Variants in SRGAP3 observed in about 807,000 individuals in gnomAD.
SRGAP3 encodes the protein SLIT-ROBO Rho GTPase-activating protein 3.
SRGAP3 carries 39 observed loss-of-function variants against 121.1 expected under a neutral mutation model. That is an observed-to-expected ratio of 0.32 (90% confidence interval 0.25 to 0.42). The LOEUF is 0.42. Ranked by LOEUF, SRGAP3 falls within the 10% of genes least tolerant of loss-of-function variation. The pLI, the probability that SRGAP3 is intolerant of heterozygous loss-of-function variation, is 1.00. For synonymous variants in SRGAP3, 601 were observed against 570.0 expected (o/e 1.05, Z -0.77); for missense variants, 1,213 against 1,470.6 (o/e 0.82, Z 2.86).
intron 1 of SRGAP3, among the ~76,000 whole-genome samples, chr3:9,175,181 A>G: frequency 6.6e-6 from 1 of 152,056 alleles, no homozygotes; most frequent in Admixed American, 6.5e-5. Context: ...AGCCAAAATA[A>G]TTCCGTTAAT....
chr3:9,097,383 G>C (rs1362010918), intron 3 of SRGAP3, among the ~76,000 whole-genome samples: 3 of 152,224 alleles, frequency 2.0e-5, no homozygotes, highest in African/African-American at 7.2e-5. Flanking sequence ...TTTTGATGGA[G>C]GCTATTATTA....
At chr3:9,287,915 G>A (rs1473736326) in intron 3 of SRGAP3, among the ~76,000 whole-genome samples, 2 of 152,010 alleles carry the variant, frequency 1.3e-5, no homozygotes, top group African/African-American at 4.8e-5. Context: ...CATTTGTGAT[G>A]TATGTAGGTG....
chr3:9,354,585 G>A (rs1349528508), intron 1 of SRGAP3, among the ~76,000 whole-genome samples: 1 of 151,754 alleles, frequency 6.6e-6, no homozygotes, highest in Non-Finnish European at 1.5e-5. Context: ...AGGAGGCTGA[G>A]GCAGAAGAAT....
intron 1 of SRGAP3, among the ~76,000 whole-genome samples, chr3:9,174,550 C>G (rs911702181): frequency 2.0e-5 from 3 of 152,196 alleles, no homozygotes; most frequent in African/African-American, 7.2e-5. Flanking sequence ...TAAGCACCGA[C>G]TTCATGGCAG....
chr3:9,024,623 C>A (rs567386432), intron 14 of SRGAP3, among the ~76,000 whole-genome samples: 1 of 152,128 alleles, frequency 6.6e-6, no homozygotes, highest in Non-Finnish European at 1.5e-5. Context: ...TAGTGGTCCA[C>A]CTCATTTCTA....
intron 3 of SRGAP3, among the ~76,000 whole-genome samples, chr3:9,312,628 T>G (rs920338115): frequency 6.6e-6 from 1 of 152,230 alleles, no homozygotes; most frequent in South Asian, 2.1e-4. Flanking sequence ...TGAAATGAAC[T>G]GATGAGCATG....
At chr3:9,167,738 C>T (rs1182577269) in intron 1 of SRGAP3, among the ~76,000 whole-genome samples, 1 of 152,160 alleles carries the variant, frequency 6.6e-6, no homozygotes, top group African/African-American at 2.4e-5. Flanking sequence ...TGCTGAAGGC[C>T]ATCAACTCAT....
chr3:9,063,998 AC>A (rs936611710), intron 5 of SRGAP3, among the ~76,000 whole-genome samples: 1 of 150,692 alleles, frequency 6.6e-6, no homozygotes, highest in Non-Finnish European at 1.5e-5. Flanking sequence ...TTCCCACCTC[AC>A]CCCCCGCCCC....
intron 1 of SRGAP3, among the ~76,000 whole-genome samples, chr3:9,171,400 C>T (rs1176382313): frequency 2.0e-5 from 3 of 152,242 alleles, no homozygotes; most frequent in Non-Finnish European, 4.4e-5. Context: ...GTTCTCTCCT[C>T]TCCAAAATGG....
At position 9,248,891 on chromosome 3, in the gene SRGAP3, T is replaced by C; in HGVS notation, c.61A>G (p.Ile21Val). 6.2e-7 allele frequency: 1 copy of C among 1,614,230 alleles called. No individual in the cohort carries two copies. The highest frequency in any genetic ancestry group is 2.2e-5 in the East Asian group (1 of 44,890). The change falls in exon 1 of 22, where the codon ATA becomes GTA. Residue 21 changes from isoleucine (I) to valine (V), a missense_variant. Ile to Val is a conservative substitution (Grantham distance 29). Transcript: ENST00000383836. ...CTCCCAGCCCGCATCTCACCTTTTA[T>C]TTGGGCTTCATATTCAGCAATGATC... Reference protein sequence around the residue: ...KEIIAEYEAQIKEIRTQLVEQ... With the variant: ...KEIIAEYEAQVKEIRTQLVEQ...
At chr3:9,330,977 A>G (rs1478827080) in intron 1 of SRGAP3, among the ~76,000 whole-genome samples, 2 of 152,270 alleles carry the variant, frequency 1.3e-5, no homozygotes, top group Admixed American at 6.5e-5. Flanking sequence ...GGACTCAAAT[A>G]TAGAAGTACA....
At chr3:9,165,715 T>G (rs1384731548) in intron 1 of SRGAP3, among the ~76,000 whole-genome samples, 1 of 152,202 alleles carries the variant, frequency 6.6e-6, no homozygotes, top group Non-Finnish European at 1.5e-5. Flanking sequence ...GCCACACCTG[T>G]GTTCTTCAGT....
chr3:9,342,046 T>C (rs1351886491), intron 1 of SRGAP3, among the ~76,000 whole-genome samples: 1 of 151,988 alleles, frequency 6.6e-6, no homozygotes, highest in East Asian at 1.9e-4. Context: ...CAATTAAAAG[T>C]CAAATAGGAA....
intron 1 of SRGAP3, among the ~76,000 whole-genome samples, chr3:9,171,670 T>C (rs1203007523): frequency 6.6e-6 from 1 of 152,166 alleles, no homozygotes; most frequent in African/African-American, 2.4e-5. Context: ...AAATAGCCCC[T>C]GTGTGCCCAA....
At chr3:9,035,918 A>C (rs1944721490) in intron 11 of SRGAP3, 1 of 152,458 alleles carries the variant, frequency 6.6e-6, no homozygotes, top group Non-Finnish European at 1.5e-5. Flanking sequence ...ATCTGCCTGA[A>C]CAAGATCTCA....
At chr3:9,028,193 G>C in intron 12 of SRGAP3, 1 of 1,603,374 alleles carries the variant, frequency 6.2e-7, no homozygotes, top group Non-Finnish European at 8.5e-7. Flanking sequence ...GCAGGAATAA[G>C]ATCAGTTAGA....
At chr3:9,125,158 T>A (rs984961727) in intron 1 of SRGAP3, among the ~76,000 whole-genome samples, 3 of 152,202 alleles carry the variant, frequency 2.0e-5, no homozygotes, top group Non-Finnish European at 2.9e-5. Context: ...TCACTGCATG[T>A]CACCACCACG....
chr3:9,284,263 T>C (rs535442880), intron 3 of SRGAP3, among the ~76,000 whole-genome samples: 4 of 152,286 alleles, frequency 2.6e-5, no homozygotes, highest in African/African-American at 9.6e-5. Context: ...TGACATAAAA[T>C]ACCAAAAAGA....
chr3:9,298,210 T>C (rs1230161093), intron 3 of SRGAP3, among the ~76,000 whole-genome samples: 2 of 152,336 alleles, frequency 1.3e-5, no homozygotes, highest in East Asian at 3.9e-4. Flanking sequence ...CTGTATTAAA[T>C]TGTGGAGAAA....
Sources: gnomAD v4.1 joint callset for allele counts (sites outside exome capture counted in the v4.1 genomes callset) on GRCh38, gnomAD v4.1.1 for gene constraint, MANE v1.5 for transcripts, NCBI Gene and HGNC (gene_info 2026-07-23, HGNC 2026-07-21) for gene names.